STOX2: variants seen among roughly 807,000 people sequenced by gnomAD.
The protein encoded by STOX2 is storkhead-box protein 2.
In STOX2, 28 loss-of-function variants were observed where a neutral mutation model predicts 60.9. The ratio of observed to expected loss-of-function variants is 0.46; its 90% confidence interval spans 0.34 to 0.63. The LOEUF is 0.63. Ranked by LOEUF, STOX2 falls within the 30% of genes least tolerant of loss-of-function variation. STOX2 has a pLI of 0.01. For missense variants in STOX2, 1,024 were observed against 1,187.7 expected (o/e 0.86, Z 2.03); for synonymous variants, 472 against 463.9 (o/e 1.02, Z -0.22).
chr4:183,846,582 C>G (rs1739995465), intron 1 of STOX2, among the ~76,000 whole-genome samples: 1 of 152,100 alleles, frequency 6.6e-6, no homozygotes, highest in African/African-American at 2.4e-5. Flanking sequence ...CTTTTCAACT[C>G]CAGAATTTCT....
chr4:183,825,172 C>A lies in STOX2; in HGVS notation c.364+27117C>A, dbSNP rs535710851. Among the ~76,000 whole-genome samples, 2 of 152,278 alleles carry A rather than the reference C, an allele frequency of 1.3e-5. No homozygotes were observed. Among genetic ancestry groups the A allele is most frequent in the East Asian group, 3.9e-4 (2 of 5,186 alleles). On this transcript the variant is annotated intron_variant, in intron 1 of 2. Coordinates refer to the STOX2 transcript ENST00000513034. This position sits in a 1 kb window ranked among gnomAD's most constrained non-coding sequence, Gnocchi z 4.1. ...AGGTCACCCCATGGTGTCAGGAGGT[C>A]GTGGTGGATGGTCTCAGGTCCACCA...
At chr4:183,923,244 C>A in intron 1 of STOX2, among the ~76,000 whole-genome samples, 1 of 152,350 alleles carries the variant, frequency 6.6e-6, no homozygotes, top group Middle Eastern at 3.4e-3. Context: ...TACCCACCAA[C>A]GGTGTACAAG....
At chr4:183,896,822 A>C (rs1475484253) in intron 1 of STOX2, among the ~76,000 whole-genome samples, 1 of 152,248 alleles carries the variant, frequency 6.6e-6, no homozygotes, top group Non-Finnish European at 1.5e-5. Flanking sequence ...GGTGTTCAAC[A>C]TAAAGATAAG....
At chr4:183,824,180 T>C (rs1739369318) in intron 1 of STOX2, among the ~76,000 whole-genome samples, 1 of 152,228 alleles carries the variant, frequency 6.6e-6, no homozygotes, top group South Asian at 2.1e-4. Context: ...ATTTTGGGAT[T>C]AAAACAATGT....
chr4:183,926,664 C>A (rs1480034978), intron 1 of STOX2, among the ~76,000 whole-genome samples: 1 of 151,796 alleles, frequency 6.6e-6, no homozygotes, highest in Non-Finnish European at 1.5e-5. Context: ...TGTTCTGTCA[C>A]CCAGGCTGGA....
At chr4:183,816,809 G>T (rs914662319) in intron 1 of STOX2, among the ~76,000 whole-genome samples, 1 of 152,180 alleles carries the variant, frequency 6.6e-6, no homozygotes, top group African/African-American at 2.4e-5. Flanking sequence ...AACTTGAAAA[G>T]ATTTTAAAAA....
rs1741575704 is a variant in STOX2 at position 183,905,729 on chromosome 4, G to A, written c.-1062G>A. ...AAATGAGAAGCCTGATGGGAACCGC[G>A]TTCTAACTTAAGGCAGCCTGGTGAT... On this transcript the variant is annotated 5_prime_UTR_variant, in exon 1 of 4. Transcript: ENST00000308497. 1.3e-5 allele frequency: 2 copies of A among 152,300 alleles called. No homozygotes were observed. Among genetic ancestry groups the A allele is most frequent in the Admixed American group, 1.3e-4 (2 of 15,288 alleles). The allele number at this position is 152,300 out of a possible 1,614,324, so 9.4% of individuals were successfully genotyped here. A position where few individuals can be genotyped will look rare whatever the true frequency, so the allele number is the denominator to read the frequency against.
At chr4:183,915,212 C>T (rs950279100) in intron 1 of STOX2, among the ~76,000 whole-genome samples, 14 of 152,166 alleles carry the variant, frequency 9.2e-5, no homozygotes, top group Admixed American at 8.5e-4. Context: ...TGGCCTTATC[C>T]GTCTGATGGC....
At chr4:183,875,121 T>TG (rs1740799821) in intron 1 of STOX2, among the ~76,000 whole-genome samples, 1 of 150,732 alleles carries the variant, frequency 6.6e-6, no homozygotes, top group African/African-American at 2.4e-5. Context: ...GCAGACTTAG[T>TG]GGCCCTGGGC....
At chr4:183,878,423 A>G (rs1740879736) in intron 1 of STOX2, among the ~76,000 whole-genome samples, 1 of 152,272 alleles carries the variant, frequency 6.6e-6, no homozygotes. Flanking sequence ...CAGCTACAAA[A>G]TAAGAAATAT....
At chr4:183,862,593 A>G (rs1579347772) in intron 1 of STOX2, among the ~76,000 whole-genome samples, 1 of 152,200 alleles carries the variant, frequency 6.6e-6, no homozygotes, top group Admixed American at 6.5e-5. Context: ...GGAGCTGTCC[A>G]TGGGAGGGAG....
rs201953174 is a variant in STOX2 at position 183,809,397 on chromosome 4, T to TGTTA, written c.364+11342_364+11343insGTTA. The stretch of plus-strand genomic sequence containing the variant: ...GCCACTGTGCCTGGCCTGATCTGAT[T>TGTTA]TTTATTTTTATTTATTTATTGAGAC... On this transcript the variant is annotated intron_variant, in intron 1 of 2. Transcript: ENST00000513034. Among the ~76,000 whole-genome samples the TGTTA allele has an allele frequency of 2.3e-3, 301 of 133,452 alleles. 1 individual carries two copies. Among genetic ancestry groups the TGTTA allele is most frequent in the African/African-American group, 9.3e-3 (291 of 31,374 alleles). 87.5% of individuals were successfully genotyped at this position (133,452 alleles called of 152,430 possible).
intron 1 of STOX2, among the ~76,000 whole-genome samples, chr4:183,951,397 C>T (rs1396885665): frequency 2.7e-5 from 4 of 145,798 alleles, no homozygotes; most frequent in African/African-American, 5.0e-5. Flanking sequence ...GCTGCCTGTT[C>T]ATAGATATTT....
chr4:184,017,286 T>A lies in STOX2; in HGVS notation c.*2T>A. The A allele has an allele frequency of 6.3e-7, 1 of 1,584,538 alleles. No individual in the cohort carries two copies. Among genetic ancestry groups the A allele is most frequent in the East Asian group, 2.3e-5 (1 of 43,660 alleles). ...CAAGCTTCTGTTACTAGCGTGTGAT[T>A]GTCCTTCTGCCTCAGATCTTCTGTC... On this transcript the variant is annotated 3_prime_UTR_variant, in exon 4 of 4. Coordinates refer to ENST00000308497, the MANE Select transcript of STOX2 (RefSeq NM_020225.3).
Position 184,011,239 on chromosome 4 carries a change from A to G in STOX2, c.2401A>G (p.Thr801Ala). The G allele has an allele frequency of 3.7e-6, 6 of 1,613,164 alleles. No individual in the cohort carries two copies. The highest frequency in any genetic ancestry group is 4.2e-6 in the Non-Finnish European group (5 of 1,179,512). The change falls in exon 3 of 4, where the codon ACC (threonine) becomes GCC (alanine). Residue 801 changes from threonine to alanine, a missense_variant. Physicochemically the swap from Thr to Ala is moderately conservative, Grantham distance 58. Coordinates refer to ENST00000308497, the MANE Select transcript of STOX2 (RefSeq NM_020225.3). The surrounding 1 kb of genome is among the most constrained non-coding windows in gnomAD (Gnocchi z 4.4). ...EEEKNREDVG[T>A]MQWLLEREKE... ...GGAGAAAAATAGAGAGGACGTAGGC[A>G]CCATGCAGTGGCTCCTCGAGCGGGA...
intron 1 of STOX2, among the ~76,000 whole-genome samples, chr4:183,814,580 T>A (rs28493868): frequency 6.6e-6 from 1 of 152,126 alleles, no homozygotes; most frequent in African/African-American, 2.4e-5. Flanking sequence ...CAAATTTTTC[T>A]GTGTGTCAGA....
intron 1 of STOX2, among the ~76,000 whole-genome samples, chr4:183,802,677 C>T (rs932837871): frequency 1.3e-5 from 2 of 151,606 alleles, no homozygotes; most frequent in Admixed American, 1.3e-4. Flanking sequence ...GCGATCTCGG[C>T]TCATTGCAAG....
intron 2 of STOX2, among the ~76,000 whole-genome samples, chr4:184,002,586 G>C (rs367909659): frequency 3.3e-5 from 5 of 152,142 alleles, no homozygotes; most frequent in Non-Finnish European, 5.9e-5. Flanking sequence ...TTTAGAAAAC[G>C]GGGCAAATGG....
intron 1 of STOX2, among the ~76,000 whole-genome samples, chr4:183,954,928 G>A (rs10212689): frequency 0.027 from 4,130 of 151,554 alleles, 179 homozygotes; most frequent in African/African-American, 0.093. Flanking sequence ...TAGTAGAGAC[G>A]GAGTTTCACC....
Sources: allele counts gnomAD v4.1 joint callset (sites outside exome capture counted in the v4.1 genomes callset), GRCh38; gene constraint gnomAD v4.1.1; non-coding constraint Gnocchi (gnomAD v3.1); transcripts MANE v1.5; gene names NCBI Gene and HGNC (gene_info 2026-07-23, HGNC 2026-07-21).